FAT4: variants seen among roughly 807,000 people sequenced by gnomAD.
FAT4 encodes FAT atypical cadherin 4, also known as protocadherin Fat 4.
In FAT4, 84 loss-of-function variants were observed where a neutral mutation model predicts 303.9. The ratio of observed to expected loss-of-function variants is 0.28; its 90% CI spans 0.23 to 0.33. FAT4 has a LOEUF of 0.33. Ranked by LOEUF, FAT4 falls within the 10% of genes least tolerant of loss-of-function variation. The pLI is 1.00. For missense variants in FAT4, 6,005 were observed against 6,146.8 expected, an observed-to-expected ratio of 0.98 and a Z score of 0.77; for synonymous variants, 2,307 against 2,298.8, an observed-to-expected ratio of 1.00 and a Z score of -0.10.
chr4:125,433,438 C>A (rs1376456877), intron 7 of FAT4, among the ~76,000 whole-genome samples: 4 of 152,106 alleles, frequency 2.6e-5, no homozygotes, highest in Non-Finnish European at 5.9e-5. Context: ...AAAACACAAC[C>A]AACAGCAGAT....
At chr4:125,351,499 C>G (rs1054587805) in intron 2 of FAT4, among the ~76,000 whole-genome samples, 15 of 151,610 alleles carry the variant, frequency 9.9e-5, no homozygotes, top group African/African-American at 3.4e-4. Flanking sequence ...TTTTTCTAGT[C>G]ACATTATTTG....
intron 2 of FAT4, among the ~76,000 whole-genome samples, chr4:125,390,783 C>A (rs560139107): frequency 6.6e-6 from 1 of 152,178 alleles, no homozygotes; most frequent in African/African-American, 2.4e-5. Context: ...TGTGTAGGAC[C>A]TTTTATTCCA....
At chr4:125,440,392 A>G (rs554288068) in intron 8 of FAT4, among the ~76,000 whole-genome samples, 1 of 151,458 alleles carries the variant, frequency 6.6e-6, no homozygotes, top group African/African-American at 2.4e-5. Context: ...ATTCTCCTTT[A>G]CTTTTTGCAA....
At chr4:125,386,390 G>A (rs1322924871) in intron 2 of FAT4, among the ~76,000 whole-genome samples, 1 of 152,094 alleles carries the variant, frequency 6.6e-6, no homozygotes, top group East Asian at 1.9e-4. Flanking sequence ...TGATTCTCCT[G>A]CCTCAGCCTC....
intron 2 of FAT4, among the ~76,000 whole-genome samples, chr4:125,386,034 A>G (rs1733737266): frequency 6.6e-6 from 1 of 152,134 alleles, no homozygotes; most frequent in Non-Finnish European, 1.5e-5. Context: ...TCTGATGATC[A>G]TCAGGGGATA....
At chr4:125,384,133 C>G (rs1733646108) in intron 2 of FAT4, among the ~76,000 whole-genome samples, 1 of 152,122 alleles carries the variant, frequency 6.6e-6, no homozygotes, top group African/African-American at 2.4e-5. Flanking sequence ...CTGCTCTGAA[C>G]ATTTGTGTAC....
At chr4:125,470,749 C>T (rs1726829554) in intron 12 of FAT4, among the ~76,000 whole-genome samples, 2 of 152,150 alleles carry the variant, frequency 1.3e-5, no homozygotes, top group African/African-American at 4.8e-5. Flanking sequence ...ATCTTCTATC[C>T]AGACTGCTAA....
In FAT4 at chr4:125,442,916, T is replaced by C. The variant is rs1461454920; in HGVS notation, c.7200-3377T>C. Among the ~76,000 whole-genome samples, 10 of 148,188 alleles carry C rather than the reference T, an allele frequency of 6.7e-5. No individual in the cohort carries two copies. The East Asian group carries it at 2.0e-3, about 30-fold the overall frequency. On this transcript the variant is annotated intron_variant, in intron 8 of 17. Coordinates refer to ENST00000394329, the MANE Select transcript of FAT4 (RefSeq NM_001291303.3). ...CAATTACAATGCCAAGTGCTCTTTA[T>C]ACAAAATATTTTTAATAGTCAAAAC...
chr4:125,384,434 G>A (rs1476656559), intron 2 of FAT4, among the ~76,000 whole-genome samples: 1 of 151,852 alleles, frequency 6.6e-6, no homozygotes, highest in Non-Finnish European at 1.5e-5. Context: ...CTTTTTATGT[G>A]TTGTTTAACT....
chr4:125,454,523 A>C (rs6534481), intron 10 of FAT4, among the ~76,000 whole-genome samples: 2 of 148,668 alleles, frequency 1.3e-5, no homozygotes, highest in Non-Finnish European at 3.0e-5. Flanking sequence ...GTAATGAGTA[A>C]ATATAATGTT....
intron 2 of FAT4, among the ~76,000 whole-genome samples, chr4:125,388,872 C>T (rs2126004820): frequency 6.6e-6 from 1 of 152,276 alleles, no homozygotes; most frequent in African/African-American, 2.4e-5. Context: ...ATTCTTGTCA[C>T]TCCTGGCTAC....
chr4:125,358,760 A>G (rs1300675223), intron 2 of FAT4, among the ~76,000 whole-genome samples: 1 of 152,100 alleles, frequency 6.6e-6, no homozygotes, highest in African/African-American at 2.4e-5. Context: ...TCTGTGGCCC[A>G]GGGGTTGGGG....
chr4:125,445,690 A>G (rs1725801419), intron 8 of FAT4, among the ~76,000 whole-genome samples: 1 of 152,136 alleles, frequency 6.6e-6, no homozygotes, highest in African/African-American at 2.4e-5. Context: ...GCATCAAAAC[A>G]TCCATGAAGA....
chr4:125,465,167 C>T (rs978830739), intron 11 of FAT4, among the ~76,000 whole-genome samples: 1 of 152,086 alleles, frequency 6.6e-6, no homozygotes, highest in African/African-American at 2.4e-5. Context: ...CAAAACTACC[C>T]CAAGACGATG....
At chr4:125,356,854 A>G (rs765784740) in intron 2 of FAT4, among the ~76,000 whole-genome samples, 1 of 151,412 alleles carries the variant, frequency 6.6e-6, no homozygotes, top group Admixed American at 6.6e-5. Flanking sequence ...CTGTATATCA[A>G]TAGATACAGA....
intron 2 of FAT4, among the ~76,000 whole-genome samples, chr4:125,356,807 A>G (rs1732444737): frequency 6.7e-6 from 1 of 149,844 alleles, no homozygotes; most frequent in South Asian, 2.1e-4. Context: ...ATAAGATATG[A>G]TAATATAACA....
intron 2 of FAT4, among the ~76,000 whole-genome samples, chr4:125,381,819 C>G (rs907924813): frequency 6.6e-6 from 1 of 152,172 alleles, no homozygotes; most frequent in Non-Finnish European, 1.5e-5. Flanking sequence ...GGAGTCAATC[C>G]TCTCAAACCC....
intron 8 of FAT4, among the ~76,000 whole-genome samples, chr4:125,437,212 A>G (rs1725485609): frequency 6.6e-6 from 1 of 152,070 alleles, no homozygotes. Flanking sequence ...CAGCCAAACC[A>G]TATCAGAGAG....
At chr4:125,477,398 G>C in intron 14 of FAT4, 64 bp downstream of exon 14, 2 of 1,341,604 alleles carry the variant, frequency 1.5e-6, no homozygotes, top group Non-Finnish European at 2.0e-6. Flanking sequence ...GCTTCAGTGA[G>C]CATCAAAAGA....
Sources: allele counts gnomAD v4.1 joint callset (sites outside exome capture counted in the v4.1 genomes callset), GRCh38; gene constraint gnomAD v4.1.1; transcripts MANE v1.5; gene names NCBI Gene and HGNC (gene_info 2026-07-23, HGNC 2026-07-21).